PSD3: variants seen among roughly 807,000 people sequenced by gnomAD.
The protein encoded by PSD3 is pleckstrin and Sec7 domain containing 3, also known as PH and SEC7 domain-containing protein 3.
In PSD3, 49 loss-of-function variants were observed where a neutral mutation model predicts 105.5. The ratio of observed to expected loss-of-function variants is 0.46; its 90% confidence interval spans 0.37 to 0.59. The LOEUF (loss-of-function observed/expected upper bound fraction) is 0.59, where lower values mean the gene tolerates loss of function less well. PSD3 is among the 20% of genes least tolerant of loss of function. The pLI is 0.00. For missense variants in PSD3, 1,561 were observed against 1,263.8 expected (o/e 1.24, Z -3.57); for synonymous variants, 557 against 457.8 (o/e 1.22, Z -2.77).
chr8:18,643,564 T>C (rs1807808378), intron 10 of PSD3, among the ~76,000 whole-genome samples: 2 of 152,084 alleles, frequency 1.3e-5, no homozygotes, highest in South Asian at 4.2e-4. Context: ...GAGACAGACA[T>C]AGATGCTCCC....
chr8:18,532,841 G>T lies in PSD3; in HGVS notation c.*2902C>A, dbSNP rs1441199924. On this transcript the variant is annotated 3_prime_UTR_variant, in exon 16 of 16. Coordinates refer to ENST00000327040, the MANE Select transcript of PSD3 (RefSeq NM_015310.4). ...ATGGGCCACCTGTATGGTCAATTTT[G>T]CAACAACACTATGACCAAGGCATTC... 6.6e-6 allele frequency: 1 copy of T among 152,140 alleles called. No homozygotes were observed. Among genetic ancestry groups the T allele is most frequent in the East Asian group, 1.9e-4 (1 of 5,184 alleles). The allele number at this position is 152,140 out of a possible 1,614,324, so 9.4% of individuals were successfully genotyped here.
chr8:18,604,390 T>A (rs1804662340), intron 11 of PSD3, among the ~76,000 whole-genome samples: 1 of 152,168 alleles, frequency 6.6e-6, no homozygotes, highest in African/African-American at 2.4e-5. Flanking sequence ...AAGAAATTTC[T>A]AAGCAGGAAA....
At chr8:18,962,115 G>A (rs557111944) in intron 1 of PSD3, among the ~76,000 whole-genome samples, 5 of 151,980 alleles carry the variant, frequency 3.3e-5, no homozygotes, top group African/African-American at 4.8e-5. Context: ...GCCTGGTGGC[G>A]GGCACCTGTA....
At chr8:19,065,679 C>A (rs1372466286) in intron 1 of PSD3, among the ~76,000 whole-genome samples, 1 of 152,192 alleles carries the variant, frequency 6.6e-6, no homozygotes, top group African/African-American at 2.4e-5. Context: ...ATCTCCCATC[C>A]CTTACACAGG....
intron 1 of PSD3, among the ~76,000 whole-genome samples, chr8:18,948,092 C>T (rs559413929): frequency 2.6e-5 from 4 of 152,244 alleles, no homozygotes; most frequent in East Asian, 3.9e-4. Context: ...ACTGAGAAGA[C>T]GGGCGGACTT....
Position 18,586,614 on chromosome 8 carries a change from A to G in PSD3, c.2482-11329T>C, listed in dbSNP as rs939843629. ...TACAATGAAGGGAAGGTGGTCTTCA[A>G]AGCCAGCCATTATGGACTTCCGGAA... On this transcript the variant is annotated intron_variant, in intron 12 of 15. Transcript: ENST00000327040. Among the ~76,000 whole-genome samples, 38 of 152,190 alleles carry G rather than the reference A, an allele frequency of 2.5e-4. 1 individual carries two copies. The highest frequency in any genetic ancestry group is 3.9e-4 in the East Asian group (2 of 5,160).
chr8:18,820,575 T>C (rs1365648272), intron 4 of PSD3, among the ~76,000 whole-genome samples: 6 of 152,216 alleles, frequency 3.9e-5, no homozygotes, highest in Non-Finnish European at 7.3e-5. Flanking sequence ...ATGTTAATAG[T>C]TGTTATACTT....
chr8:18,561,962 G>A (rs1474161091), intron 14 of PSD3, among the ~76,000 whole-genome samples: 1 of 152,104 alleles, frequency 6.6e-6, no homozygotes, highest in African/African-American at 2.4e-5. Context: ...CCAAGTATAA[G>A]ATTTACATAG....
chr8:18,981,571 C>A (rs1266081777), intron 1 of PSD3, among the ~76,000 whole-genome samples: 2 of 152,148 alleles, frequency 1.3e-5, no homozygotes, highest in Non-Finnish European at 2.9e-5. Flanking sequence ...TATATACAGG[C>A]ATACTCTGGA....
chr8:18,608,565 C>T (rs1400025098), intron 11 of PSD3, among the ~76,000 whole-genome samples: 1 of 152,082 alleles, frequency 6.6e-6, no homozygotes, highest in South Asian at 2.1e-4. Context: ...CTCTTTATTA[C>T]TAATTTGAAG....
chr8:18,752,928 G>A (rs1392286022), intron 9 of PSD3, among the ~76,000 whole-genome samples: 4 of 151,624 alleles, frequency 2.6e-5, no homozygotes, highest in African/African-American at 4.9e-5. Flanking sequence ...TAACCTCATC[G>A]TGACATGATT....
chr8:19,047,513 AGG>A (rs1828363456), intron 1 of PSD3, among the ~76,000 whole-genome samples: 1 of 152,104 alleles, frequency 6.6e-6, no homozygotes, highest in Admixed American at 6.5e-5. Context: ...AAGAATGTGG[AGG>A]GGGTAAATGA....
At chr8:19,024,575 C>T (rs1245397124) in intron 1 of PSD3, among the ~76,000 whole-genome samples, 5 of 152,154 alleles carry the variant, frequency 3.3e-5, no homozygotes, top group Non-Finnish European at 7.3e-5. Flanking sequence ...CTTACGATGA[C>T]ACCTGAGCTT....
intron 11 of PSD3, among the ~76,000 whole-genome samples, chr8:18,608,632 A>G (rs1324484162): frequency 6.6e-6 from 1 of 152,252 alleles, no homozygotes; most frequent in Admixed American, 6.5e-5. Context: ...AGTTATTACC[A>G]CTGATTTTTG....
rs1483652766 is a variant in PSD3 at position 18,529,880 on chromosome 8, G to A, written c.*5863C>T. 2 of 152,364 alleles carry A rather than the reference G, an allele frequency of 1.3e-5. No individual in the cohort carries two copies. Among genetic ancestry groups the A allele is most frequent in the Non-Finnish European group, 2.9e-5 (2 of 68,038 alleles). The allele number at this position is 152,364 out of a possible 1,614,324, so 9.4% of individuals were successfully genotyped here. On this transcript the variant is annotated 3_prime_UTR_variant, in exon 16 of 16. Transcript: ENST00000327040. ...GAAGGAAATACTCTCGCAAAACTAA[G>A]ACCCTGCCAATCATTCACAGAGCCA... is the stretch of plus-strand genomic sequence containing the variant.
At chr8:18,699,145 CTGCTAAGGAATGTGA>C (rs1801430111) in intron 9 of PSD3, among the ~76,000 whole-genome samples, 1 of 152,136 alleles carries the variant, frequency 6.6e-6, no homozygotes, top group Non-Finnish European at 1.5e-5. Context: ...AACTAGATTC[CTGCTAAGGAATGTGA>C]GTGAAAGCTA....
intron 1 of PSD3, among the ~76,000 whole-genome samples, chr8:18,952,415 A>T (rs73202191): frequency 0.39 from 59,650 of 152,008 alleles, 11,881 homozygotes; most frequent in Non-Finnish European, 0.41. Flanking sequence ...ATTTTAAGTA[A>T]ACTTTTGGGA....
At chr8:19,009,272 A>G (rs73594624) in intron 1 of PSD3, among the ~76,000 whole-genome samples, 3,417 of 126,390 alleles carry the variant, frequency 0.027, 141 homozygotes, top group African/African-American at 0.098. Flanking sequence ...AGATTCCAAG[A>G]CTCGAATAAT....
chr8:18,911,165 T>G (rs1820198872), intron 2 of PSD3, among the ~76,000 whole-genome samples: 1 of 151,772 alleles, frequency 6.6e-6, no homozygotes, highest in African/African-American at 2.4e-5. Flanking sequence ...AGAGTGGGGG[T>G]GGGAGCACAG....
Sources: gnomAD v4.1 joint callset for allele counts (sites outside exome capture counted in the v4.1 genomes callset) on GRCh38, gnomAD v4.1.1 for gene constraint, MANE v1.5 for transcripts, NCBI Gene and HGNC (gene_info 2026-07-23, HGNC 2026-07-21) for gene names.